CXXC5: variants seen among roughly 807,000 people sequenced by gnomAD.
CXXC5 encodes CXXC-type zinc finger protein 5.
In CXXC5, 2 loss-of-function variants were observed where a neutral mutation model predicts 17.6. The ratio of observed to expected loss-of-function variants is 0.11; its 90% confidence interval spans 0.05 to 0.36. The LOEUF is 0.36. CXXC5 is among the 10% of genes least tolerant of loss of function. The pLI, the probability that CXXC5 is intolerant of heterozygous loss-of-function variation, is 1.00. For synonymous variants in CXXC5, 171 were observed against 193.0 expected (o/e 0.89, Z 0.94); for missense variants, 343 against 458.3 (o/e 0.75, Z 2.30).
intron 1 of CXXC5, among the ~76,000 whole-genome samples, chr5:139,650,299 G>C (rs967375123): frequency 1.4e-4 from 22 of 152,162 alleles, no homozygotes; most frequent in Non-Finnish European, 2.1e-4. Context: ...CTTCGGATGG[G>C]GGGGGAGCTA....
At position 139,661,979 on chromosome 5, in the gene CXXC5, G is replaced by A. The variant is rs148536759; in HGVS notation, c.-161+13134G>A. Among the ~76,000 whole-genome samples, 1,107 of 152,356 alleles carry A rather than the reference G, an allele frequency of 7.3e-3. 9 individuals carry two copies. The highest frequency in any genetic ancestry group is 9.3e-3 in the Non-Finnish European group (630 of 68,028). On this transcript the variant is annotated intron_variant, in intron 1 of 2. Coordinates refer to ENST00000302517, the MANE Select transcript of CXXC5 (RefSeq NM_016463.9). This position sits in a 1 kb window ranked among gnomAD's most constrained non-coding sequence, Gnocchi z 4.7. ...CATGGGGGAGAGATACAGGGGAGCT[G>A]GGAAAAGGAAAGGCTGGAGAAGGAG...
intron 2 of CXXC5, 139 bp downstream of exon 2, chr5:139,681,586 G>T (rs1006011318): frequency 9.2e-6 from 10 of 1,091,070 alleles, no homozygotes; most frequent in Non-Finnish European, 1.3e-5. Context: ...GGGCCTGGGG[G>T]TCTGGCTTCA....
At chr5:139,682,815 G>T in intron 2 of CXXC5, 48 bp from the exon 3 acceptor site, 1 of 1,553,046 alleles carries the variant, frequency 6.4e-7, no homozygotes. Context: ...AGGCCTACCC[G>T]GACCCTGACT....
intron 1 of CXXC5, among the ~76,000 whole-genome samples, chr5:139,678,720 G>A (rs1415281237): frequency 2.6e-5 from 4 of 152,144 alleles, no homozygotes; most frequent in Admixed American, 2.6e-4. Context: ...CTTGAGTCCT[G>A]TGACTAGGGG....
chr5:139,667,319 C>T (rs1048485750), intron 1 of CXXC5, among the ~76,000 whole-genome samples: 4 of 152,234 alleles, frequency 2.6e-5, no homozygotes, highest in African/African-American at 9.7e-5. Context: ...TGACTGAGCA[C>T]TCAGGGTTCT....
rs1227394827 is a variant in CXXC5 at position 139,675,351 on chromosome 5, A to AGGCTCTT, written c.-160-5012_-160-5006dup. 5 of 152,220 alleles carry AGGCTCTT rather than the reference A, an allele frequency of 3.3e-5. No homozygotes were observed. The East Asian group carries it at 9.7e-4, about 29-fold the overall frequency. 9.4% of individuals were successfully genotyped at this position (152,220 alleles called of 1,614,324 possible). On this transcript the variant is annotated intron_variant, in intron 1 of 2. Transcript: ENST00000302517. The stretch of plus-strand genomic sequence containing the variant: ...ATTGAACCCTGCGGGGGGTGAAGTG[A>AGGCTCTT]GGCTCTTCTAGGGCTGAGGGTTGAA...
chr5:139,661,865 G>A lies in CXXC5; in HGVS notation c.-161+13020G>A, dbSNP rs977487454. Reference sequence around the variant, plus strand: ...TAGCCAACCTGGCTCTGCCCTCTCTGGGGAGGAGGTCCAAGTATCAGGCAT... The same window carrying A: ...TAGCCAACCTGGCTCTGCCCTCTCTAGGGAGGAGGTCCAAGTATCAGGCAT... On this transcript the variant is annotated intron_variant, in intron 1 of 2. Transcript: ENST00000302517. The surrounding 1 kb of genome is among the most constrained non-coding windows in gnomAD (Gnocchi z 4.7). Among the ~76,000 whole-genome samples, 16 of 152,376 alleles carry A rather than the reference G, an allele frequency of 1.1e-4. No homozygotes were observed. The highest frequency in any genetic ancestry group is 3.8e-4 in the African/African-American group (16 of 41,590).
chr5:139,680,121 C>A (rs1757093334), intron 1 of CXXC5, among the ~76,000 whole-genome samples: 1 of 152,220 alleles, frequency 6.6e-6, no homozygotes, highest in East Asian at 1.9e-4. Flanking sequence ...ACTGGTAGTT[C>A]TCCTAAATCT....
At chr5:139,671,477 C>G (rs374158523) in intron 1 of CXXC5, among the ~76,000 whole-genome samples, 1 of 152,222 alleles carries the variant, frequency 6.6e-6, no homozygotes, top group Non-Finnish European at 1.5e-5. Context: ...CCCCCACCCC[C>G]CAGGAAACTC....
chr5:139,671,513 C>T (rs552506547), intron 1 of CXXC5, among the ~76,000 whole-genome samples: 2 of 152,296 alleles, frequency 1.3e-5, no homozygotes, highest in East Asian at 1.9e-4. Flanking sequence ...CCGCGGGTGG[C>T]GGGTTGGGGC....
At chr5:139,648,161 C>G (rs1447705392), upstream of CXXC5, 1 of 148,228 alleles carries the variant, frequency 6.7e-6, no homozygotes, top group African/African-American at 2.5e-5. Context: ...GGCGCAGCGG[C>G]TGCAGCTCCG....
intron 1 of CXXC5, among the ~76,000 whole-genome samples, chr5:139,667,665 G>A (rs1473938087): frequency 6.6e-6 from 1 of 152,098 alleles, no homozygotes; most frequent in Non-Finnish European, 1.5e-5. Flanking sequence ...AGGGTGAATA[G>A]TCAGTCCTGT....
At chr5:139,662,163 T>C (rs1755855721) in intron 1 of CXXC5, among the ~76,000 whole-genome samples, 1 of 152,182 alleles carries the variant, frequency 6.6e-6, no homozygotes, top group East Asian at 1.9e-4. Flanking sequence ...CTACCTTCCC[T>C]GCTTACCACA....
intron 1 of CXXC5, among the ~76,000 whole-genome samples, chr5:139,655,849 T>G (rs1290726166): frequency 2.6e-5 from 4 of 152,158 alleles, no homozygotes; most frequent in Non-Finnish European, 5.9e-5. Context: ...GGGCCCTGGC[T>G]GCTGCGCTCT....
Position 139,670,991 on chromosome 5 carries a change from C to T in CXXC5, c.-160-9373C>T, listed in dbSNP as rs920969778. Among the ~76,000 whole-genome samples, 3 of 152,194 alleles carry T rather than the reference C, an allele frequency of 2.0e-5. No individual in the cohort carries two copies. Among genetic ancestry groups the T allele is most frequent in the African/African-American group, 7.2e-5 (3 of 41,432 alleles). ...CCCCCTGAGCCCGCTCCCAGGTGCC[C>T]AGCATCCTTGGGTAGTTATGCCACC... On this transcript the variant is annotated intron_variant, in intron 1 of 2. Transcript: ENST00000302517. The surrounding 1 kb of genome is among the most constrained non-coding windows in gnomAD (Gnocchi z 4.2).
intron 1 of CXXC5, among the ~76,000 whole-genome samples, chr5:139,671,766 A>G (rs1422939789): frequency 6.6e-6 from 1 of 152,212 alleles, no homozygotes; most frequent in Admixed American, 6.5e-5. Context: ...GACCCAAGGG[A>G]AACCTAGGGG....
rs1033798738 is a variant in CXXC5, at chr5:139,656,152, G to A, written c.-161+7307G>A. 3.3e-5 allele frequency among the ~76,000 whole-genome samples: 5 copies of A among 152,390 alleles called. No homozygotes were observed. The East Asian group carries it at 5.8e-4, about 18-fold the overall frequency. ...AGTACGGGCGTAATGTTCGGGCACT[G>A]GGGGCCTGGGTTCCTGTGGGGCAAC... is the stretch of plus-strand genomic sequence containing the variant. On this transcript the variant is annotated intron_variant, in intron 1 of 2. Coordinates refer to ENST00000302517, the MANE Select transcript of CXXC5 (RefSeq NM_016463.9).
At position 139,668,777 on chromosome 5, in the gene CXXC5, G is replaced by A. The variant is rs1756279681; in HGVS notation, c.-160-11587G>A. Among the ~76,000 whole-genome samples the A allele has an allele frequency of 6.6e-6, 1 of 152,176 alleles. No individual in the cohort carries two copies. The highest frequency in any genetic ancestry group is 1.5e-5 in the Non-Finnish European group (1 of 68,022). On this transcript the variant is annotated intron_variant, in intron 1 of 2. Transcript: ENST00000302517. This position sits in a 1 kb window ranked among gnomAD's most constrained non-coding sequence, Gnocchi z 4.1. ...TGGGGGATGACTGATAGGGGGAGTC[G>A]GGAGGGGATGTTGAGCCCTGAGGTG...
chr5:139,682,723 C>CA, intron 2 of CXXC5, 140 bp from the exon 3 acceptor site: 1 of 828,832 alleles, frequency 1.2e-6, no homozygotes, highest in South Asian at 2.6e-5. Context: ...GCTGGGGTGG[C>CA]AGGAGCTCCG....
Sources: gnomAD v4.1 joint callset for allele counts (sites outside exome capture counted in the v4.1 genomes callset) on GRCh38, gnomAD v4.1.1 for gene constraint, Gnocchi (gnomAD v3.1) non-coding constraint, MANE v1.5 for transcripts, NCBI Gene and HGNC (gene_info 2026-07-23, HGNC 2026-07-21) for gene names.